Variants in SHC1 observed in about 807,000 individuals in gnomAD.
The protein encoded by SHC1 is SHC adaptor protein 1.
A neutral mutation model predicts 55.9 loss-of-function variants in SHC1; 30 were observed. The observed-to-expected ratio is 0.54, with a 90% CI of 0.40 to 0.73. The LOEUF (loss-of-function observed/expected upper bound fraction) is 0.73, where lower values mean the gene tolerates loss of function less well. Among genes scored for constraint, SHC1 ranks in the 30% least tolerant of loss-of-function variants. The probability of loss-of-function intolerance (pLI) is 0.00; values close to 1 mark genes in which losing one functional copy is unlikely to be tolerated. For synonymous variants in SHC1, 309 were observed against 306.1 expected (o/e 1.01, Z -0.10); for missense variants, 675 against 777.1 (o/e 0.87, Z 1.56).
chr1:154,963,715 C>A lies in SHC1; in HGVS notation c.*88G>T, dbSNP rs1655559721. The A allele has an allele frequency of 1.5e-5, 22 of 1,467,072 alleles. No homozygotes were observed. In the South Asian group the frequency reaches 2.6e-4, roughly 17 times the overall value. 90.9% of individuals were successfully genotyped at this position (1,467,072 alleles called of 1,614,324 possible). A position where few individuals can be genotyped will look rare whatever the true frequency, so the allele number is the denominator to read the frequency against. Reference sequence around the variant, plus strand: ...CAGCTCTGACACAAGGCCAAGCCCACAGAACACTCCCAAACGAGGTCCCGA... The same window carrying A: ...CAGCTCTGACACAAGGCCAAGCCCAAAGAACACTCCCAAACGAGGTCCCGA... On this transcript the variant is annotated 3_prime_UTR_variant, in exon 12 of 12. Transcript: ENST00000448116.
intron 7 of SHC1, among the ~76,000 whole-genome samples, chr1:154,967,399 T>G (rs906178942): frequency 2.0e-5 from 3 of 150,858 alleles, no homozygotes; most frequent in Admixed American, 6.6e-5. Context: ...GGGATGGGAG[T>G]AGAAAATCCC....
intron 11 of SHC1, chr1:154,964,133 G>A (rs1339353081): frequency 1.4e-6 from 1 of 737,352 alleles, no homozygotes; most frequent in South Asian, 1.4e-5. Context: ...AGTGAAGTGA[G>A]AAAAGGCAAA....
At chr1:154,964,388 A>G (rs1424807378) in intron 11 of SHC1, 3 of 407,528 alleles carry the variant, frequency 7.4e-6, no homozygotes, top group African/African-American at 6.3e-5. Context: ...AAAAAATACA[A>G]AAATTAGCCA....
At chr1:154,968,965 G>C in intron 2 of SHC1, 131 bp from the exon 3 acceptor site, 1 of 799,736 alleles carries the variant, frequency 1.3e-6, no homozygotes, top group Non-Finnish European at 2.2e-6. Context: ...TGTCATGGTG[G>C]ATTGAATTAA....
chr1:154,972,646 A>G (rs1656854227), upstream of SHC1, among the ~76,000 whole-genome samples: 1 of 152,214 alleles, frequency 6.6e-6, no homozygotes, highest in Non-Finnish European at 1.5e-5. Flanking sequence ...GAAGAAAAGA[A>G]AGACGTATGA....
rs1558052928 is a variant in SHC1, at chr1:154,965,965, G to C, written c.1368C>G (p.Pro456=). 9 of 1,613,428 alleles carry C rather than the reference G, an allele frequency of 5.6e-6. No individual in the cohort carries two copies. Among genetic ancestry groups the C allele is most frequent in the East Asian group, 2.2e-5 (1 of 44,854 alleles). The change falls in exon 10 of 12, where the codon CCC becomes CCG. Residue 456 remains proline, a synonymous_variant. Transcript: ENST00000448116. ...PPNPAINGSA[P]RDLFDMKPFE... is the part of the protein sequence containing the mutation. ...ACTCACTCATGTCAAACAGGTCCCG[G>C]GGTGCACTGCCATTGATAGCAGGAT...
Position 154,963,788 on chromosome 1 carries a change from G to T in SHC1, c.*15C>A. 1.2e-6 allele frequency: 2 copies of T among 1,612,782 alleles called. No individual in the cohort carries two copies. Among genetic ancestry groups the T allele is most frequent in the Non-Finnish European group, 1.7e-6 (2 of 1,179,570 alleles). On this transcript the variant is annotated 3_prime_UTR_variant, in exon 12 of 12. Transcript: ENST00000448116. ...GGATTGGAGGGCATCTTCTGGAAGA[G>T]AGCGCTAGGGCAGATCACAGTTTCC...
chr1:154,971,456 C>T (rs540730736), upstream of SHC1, among the ~76,000 whole-genome samples: 3 of 152,328 alleles, frequency 2.0e-5, no homozygotes, highest in South Asian at 4.1e-4. Flanking sequence ...ATGCTGGTCA[C>T]GGCTTGTTCT....
chr1:154,972,261 C>T (rs951292128), upstream of SHC1, among the ~76,000 whole-genome samples: 31 of 151,180 alleles, frequency 2.1e-4, no homozygotes, highest in East Asian at 1.9e-4. Flanking sequence ...AAAAAAAATA[C>T]GTATTCCCCC....
intron 2 of SHC1, 112 bp downstream of exon 2, chr1:154,969,265 AC>A: frequency 1.4e-6 from 1 of 732,236 alleles, no homozygotes; most frequent in South Asian, 1.6e-5. Flanking sequence ...AATCCCCTTT[AC>A]TACGCAAAGA....
upstream of SHC1, among the ~76,000 whole-genome samples, chr1:154,973,056 G>A (rs1473335417): frequency 1.3e-5 from 2 of 152,120 alleles, no homozygotes; most frequent in African/African-American, 4.8e-5. Flanking sequence ...ATCCACTTAT[G>A]TCTAGGAAGG....
At chr1:154,966,124 A>G (rs772881168) in intron 9 of SHC1, 38 bp downstream of exon 9, 1 of 1,614,028 alleles carries the variant, frequency 6.2e-7, no homozygotes, top group African/African-American at 1.3e-5. Flanking sequence ...CCTGCCTCCA[A>G]CACTCCCCAG....
rs1236975960 is a variant in SHC1, at chr1:154,965,560, C to T, written c.1609G>A (p.Val537Met). ...ACACTCACCACACCCTCAGGGTCCA[C>T]CAGTAGCAAATGCTTAGGCTGCCCA... The part of the protein sequence containing the change: ...QSGQPKHLLL[V>M]DPEGVVRTKD... The change falls in exon 11 of 12, where the codon GTG becomes ATG. Residue 537 changes from valine (V) to methionine (M), a missense_variant. By Grantham distance (21) the Val-to-Met change is conservative. This residue lies in a region of SHC1 where 360 missense variants were observed against 371.1 expected (regional missense o/e 0.97). Transcript: ENST00000448116. 1.9e-6 allele frequency: 3 copies of T among 1,614,094 alleles called. No individual in the cohort carries two copies. The highest frequency in any genetic ancestry group is 2.7e-5 in the African/African-American group (2 of 74,912).
rs1384360749 is a variant in SHC1 at position 154,962,333 on chromosome 1, T to G, written c.*1470A>C. Reference sequence around the variant, plus strand: ...ACGGACTTTAATGAAGAGTTTTCCCTTTGGTATAAGTGAGACCCGTGGAAA... The same window carrying G: ...ACGGACTTTAATGAAGAGTTTTCCCGTTGGTATAAGTGAGACCCGTGGAAA... On this transcript the variant is annotated 3_prime_UTR_variant, in exon 12 of 12. Transcript: ENST00000448116. The G allele has an allele frequency of 1.3e-5, 2 of 152,766 alleles. No homozygotes were observed. The highest frequency in any genetic ancestry group is 2.9e-5 in the Non-Finnish European group (2 of 68,040). The allele number at this position is 152,766 out of a possible 1,614,324, so 9.5% of individuals were successfully genotyped here.
chr1:154,970,159 C>A lies in SHC1; in HGVS notation c.368G>T (p.Arg123Leu), dbSNP rs368722116. 14 of 1,613,508 alleles carry A rather than the reference C, an allele frequency of 8.7e-6. No homozygotes were observed. The highest frequency in any genetic ancestry group is 3.3e-5 in the Admixed American group (2 of 60,004). Residue 123 changes from arginine (R) to leucine (L), a missense_variant, in exon 1 of 12, where the codon CGG becomes CTG. Physicochemically the swap from Arg to Leu is moderately radical, Grantham distance 102. Coordinates refer to ENST00000448116, the MANE Select transcript of SHC1 (RefSeq NM_001130040.2). This position sits in a 1 kb window ranked among gnomAD's most constrained non-coding sequence, Gnocchi z 5.5. ...KLSGGGGRRTRVEGGQLGGEE... is the reference protein window; with the variant it reads ...KLSGGGGRRTLVEGGQLGGEE... ...GCCCCCAAGCTGGCCCCCTTCCACC[C>A]GAGTCCTGCGCCCGCCGCCTCCACT... is the stretch of plus-strand genomic sequence containing the variant.
intron 2 of SHC1, among the ~76,000 whole-genome samples, chr1:154,969,054 C>T (rs1212953296): frequency 6.6e-6 from 1 of 152,142 alleles, no homozygotes; most frequent in African/African-American, 2.4e-5. Flanking sequence ...TAGCCCCACC[C>T]CCTTCCAGCT....
chr1:154,965,360 T>C, intron 11 of SHC1, 183 bp downstream of exon 11: 2 of 1,581,428 alleles, frequency 1.3e-6, no homozygotes, highest in Non-Finnish European at 1.7e-6. Flanking sequence ...ATAAAGAACA[T>C]AGTTCAGGCT....
chr1:154,966,497 G>A lies in SHC1; in HGVS notation c.1004C>T (p.Ser335Leu), dbSNP rs531986735. ...CTCTTCCTCCTCCTCATCCCATGCT[G>A]AGCCATCAAAGCCAGCCATCCTGAG... The part of the protein sequence containing the change: ...PHDRMAGFDG[S>L]AWDEEEEEPP... Residue 335 changes from serine to leucine, a missense_variant, in exon 8 of 12, where the codon TCA becomes TTA. This residue lies in a region of SHC1 where 360 missense variants were observed against 371.1 expected (regional missense o/e 0.97). Coordinates refer to ENST00000448116, the MANE Select transcript of SHC1 (RefSeq NM_001130040.2). 6.2e-7 allele frequency: 1 copy of A among 1,600,834 alleles called. No homozygotes were observed. Among genetic ancestry groups the A allele is most frequent in the Non-Finnish European group, 8.5e-7 (1 of 1,172,466 alleles).
chr1:154,968,888 A>C, intron 2 of SHC1, 54 bp from the exon 3 acceptor site: 4 of 1,515,216 alleles, frequency 2.6e-6, no homozygotes, highest in Non-Finnish European at 3.7e-6. Flanking sequence ...CTCCCACTCA[A>C]CTGGGGCTGC....
Sources: allele counts gnomAD v4.1 joint callset (sites outside exome capture counted in the v4.1 genomes callset), GRCh38; gene constraint gnomAD v4.1.1; regional missense constraint gnomAD v4.1.1; non-coding constraint Gnocchi (gnomAD v3.1); transcripts MANE v1.5; gene names NCBI Gene and HGNC (gene_info 2026-07-23, HGNC 2026-07-21).